The following AGAP1 variants were observed in gnomAD, a reference collection of about 807,000 sequenced individuals.
The protein encoded by AGAP1 is ArfGAP with GTPase domain, ankyrin repeat and PH domain 1.
AGAP1 carries 29 observed loss-of-function variants against 105.3 expected under a neutral mutation model. The observed-to-expected ratio is 0.28, with a 90% CI of 0.21 to 0.38. The LOEUF (loss-of-function observed/expected upper bound fraction) is 0.38, where lower values mean the gene tolerates loss of function less well. Ranked by LOEUF, AGAP1 falls within the 10% of genes least tolerant of loss-of-function variation. The pLI, the probability that AGAP1 is intolerant of heterozygous loss-of-function variation, is 1.00. For synonymous variants in AGAP1, 509 were observed against 485.9 expected, an observed-to-expected ratio of 1.05 and a Z score of -0.63; for missense variants, 998 against 1,165.1, an observed-to-expected ratio of 0.86 and a Z score of 2.09.
Position 236,083,412 on chromosome 2 carries a change from T to C in AGAP1, c.2114+34131T>C, listed in dbSNP as rs1009924377. Among the ~76,000 whole-genome samples the C allele has an allele frequency of 1.3e-5, 2 of 152,244 alleles. No individual in the cohort carries two copies. Among genetic ancestry groups the C allele is most frequent in the African/African-American group, 4.8e-5 (2 of 41,450 alleles). On this transcript the variant is annotated intron_variant, in intron 16 of 17. Coordinates refer to ENST00000304032, the MANE Select transcript of AGAP1 (RefSeq NM_001037131.3). This position sits in a 1 kb window ranked among gnomAD's most constrained non-coding sequence, Gnocchi z 5.3. The stretch of plus-strand genomic sequence containing the variant: ...AGGAAAGATTAAAGGATTGTTTTCA[T>C]TTTATTATAAGGAAGAGACATTTTT...
intron 1 of AGAP1, among the ~76,000 whole-genome samples, chr2:235,696,862 T>A (rs2149461972): frequency 6.6e-6 from 1 of 152,100 alleles, no homozygotes; most frequent in Non-Finnish European, 1.5e-5. Context: ...CACACGTCTG[T>A]AATCCTAGCT....
rs1351590118 is a variant in AGAP1 at position 235,893,292 on chromosome 2, GCGTGTCTGTGGCGCAGGTGTGC to G, written c.1155+9856_1155+9877del. ...GCGCCGTGTCTGTAGCGTGGGTGTA[GCGTGTCTGTGGCGCAGGTGTGC>G]CGTGTCTGTGGCATGGGTGTGGCTT... is the stretch of plus-strand genomic sequence containing the variant. On this transcript the variant is annotated intron_variant, in intron 10 of 17. Coordinates refer to ENST00000304032, the MANE Select transcript of AGAP1 (RefSeq NM_001037131.3). The surrounding 1 kb of genome is among the most constrained non-coding windows in gnomAD (Gnocchi z 4.7). Among the ~76,000 whole-genome samples, 4 of 150,006 alleles carry G rather than the reference GCGTGTCTGTGGCGCAGGTGTGC, an allele frequency of 2.7e-5. No homozygotes were observed. The highest frequency in any genetic ancestry group is 4.4e-5 in the Non-Finnish European group (3 of 67,504).
intron 6 of AGAP1, among the ~76,000 whole-genome samples, chr2:235,795,813 C>G (rs114860300): frequency 0.015 from 2,285 of 152,268 alleles, 41 homozygotes; most frequent in African/African-American, 0.049. Flanking sequence ...TTTGTACATC[C>G]TGTCTGTAGT....
rs940604995 is a variant in AGAP1 at position 235,887,543 on chromosome 2, C to G, written c.1155+4094C>G. On this transcript the variant is annotated intron_variant, in intron 10 of 17. Coordinates refer to ENST00000304032, the MANE Select transcript of AGAP1 (RefSeq NM_001037131.3). The surrounding 1 kb of genome is among the most constrained non-coding windows in gnomAD (Gnocchi z 4.1). ...TTATCTGGTTTCTGAGAACACTATT[C>G]TCATCCACCTTTTCTCTCAAAGGCA... is the stretch of plus-strand genomic sequence containing the variant. 6.6e-6 allele frequency among the ~76,000 whole-genome samples: 1 copy of G among 152,220 alleles called. No homozygotes were observed. The highest frequency in any genetic ancestry group is 2.4e-5 in the African/African-American group (1 of 41,466).
rs1054897213 is a variant in AGAP1, at chr2:235,744,895, T to A, written c.538+56T>A. 1.3e-4 allele frequency: 202 copies of A among 1,596,558 alleles called. No individual in the cohort carries two copies. The highest frequency in any genetic ancestry group is 1.6e-4 in the Non-Finnish European group (192 of 1,168,188). On this transcript the variant is annotated intron_variant, in intron 5 of 17. Transcript: ENST00000304032. The surrounding 1 kb of genome is among the most constrained non-coding windows in gnomAD (Gnocchi z 5.2). ...AAAGGGTTCTAACAGTTACATATTTTCAGTATGGAGGAGTTTAAAAAATGC... is the reference window on the plus strand; with the variant it reads ...AAAGGGTTCTAACAGTTACATATTTACAGTATGGAGGAGTTTAAAAAATGC...
intron 15 of AGAP1, among the ~76,000 whole-genome samples, chr2:236,041,512 A>C (rs1413253328): frequency 6.6e-6 from 1 of 152,162 alleles, no homozygotes; most frequent in Non-Finnish European, 1.5e-5. Flanking sequence ...TCTAATCCAT[A>C]CTATTACTTT....
Position 235,600,478 on chromosome 2 carries a change from C to T in AGAP1, c.163+105629C>T, listed in dbSNP as rs1014681083. Among the ~76,000 whole-genome samples the T allele has an allele frequency of 1.3e-5, 2 of 152,096 alleles. No individual in the cohort carries two copies. Among genetic ancestry groups the T allele is most frequent in the Non-Finnish European group, 2.9e-5 (2 of 68,024 alleles). On this transcript the variant is annotated intron_variant, in intron 1 of 17. Transcript: ENST00000304032. The surrounding 1 kb of genome is among the most constrained non-coding windows in gnomAD (Gnocchi z 4.8). ...CCACCATCCCCGCTGGATTAGGGTT[C>T]TCTAGAGGGATGGAACCAATAGGCC...
In AGAP1 at chr2:236,096,103, C is replaced by T. The variant is rs2059185181; in HGVS notation, c.2115-24089C>T. ...GGTGGAAGCAATACTGATGATGGAACCGCAGTACTATGTATCTTACCCTAC... is the reference window on the plus strand; with the variant it reads ...GGTGGAAGCAATACTGATGATGGAATCGCAGTACTATGTATCTTACCCTAC... On this transcript the variant is annotated intron_variant, in intron 16 of 17. Coordinates refer to ENST00000304032, the MANE Select transcript of AGAP1 (RefSeq NM_001037131.3). The surrounding 1 kb of genome is among the most constrained non-coding windows in gnomAD (Gnocchi z 4.4). Among the ~76,000 whole-genome samples, 1 of 152,202 alleles carries T rather than the reference C, an allele frequency of 6.6e-6. No homozygotes were observed.
intron 16 of AGAP1, among the ~76,000 whole-genome samples, chr2:236,100,653 C>T (rs948750928): frequency 2.6e-5 from 4 of 151,962 alleles, no homozygotes; most frequent in Admixed American, 1.3e-4. Context: ...GGTGAAACCT[C>T]GTCTCTACTA....
chr2:235,722,465 C>T (rs1169764194), intron 3 of AGAP1, among the ~76,000 whole-genome samples: 1 of 152,148 alleles, frequency 6.6e-6, no homozygotes, highest in Non-Finnish European at 1.5e-5. Context: ...GCCTTCCTGT[C>T]TTCAGGGGAG....
intron 13 of AGAP1, among the ~76,000 whole-genome samples, chr2:236,006,729 A>G (rs1559184563): frequency 6.6e-6 from 1 of 152,148 alleles, no homozygotes; most frequent in Admixed American, 6.5e-5. Context: ...TACGCTTACA[A>G]TGTGATAGTT....
rs932315161 is a variant in AGAP1, at chr2:235,875,752, A to G, written c.1051-7593A>G. 6.6e-6 allele frequency among the ~76,000 whole-genome samples: 1 copy of G among 152,102 alleles called. No individual in the cohort carries two copies. The highest frequency in any genetic ancestry group is 1.9e-4 in the East Asian group (1 of 5,192). ...GTGTTAGTTGTGCACAGATACCTACACTTCCCACTGCCCGACAGTACGTGC... is the reference window on the plus strand; with the variant it reads ...GTGTTAGTTGTGCACAGATACCTACGCTTCCCACTGCCCGACAGTACGTGC... On this transcript the variant is annotated intron_variant, in intron 9 of 17. Coordinates refer to ENST00000304032, the MANE Select transcript of AGAP1 (RefSeq NM_001037131.3). The surrounding 1 kb of genome is among the most constrained non-coding windows in gnomAD (Gnocchi z 4.0).
intron 1 of AGAP1, among the ~76,000 whole-genome samples, chr2:235,518,568 C>G (rs1401503537): frequency 6.6e-6 from 1 of 152,156 alleles, no homozygotes; most frequent in Non-Finnish European, 1.5e-5. Flanking sequence ...CTGTTTCCCA[C>G]CGTCAGCCTT....
In AGAP1 at chr2:235,686,620, GATATATATATATATATATATATATAGA is replaced by G. The variant is rs1949417895; in HGVS notation, c.164-22558_164-22532del. Among the ~76,000 whole-genome samples, 24 of 57,246 alleles carry G rather than the reference GATATATATATATATATATATATATAGA, an allele frequency of 4.2e-4. 1 individual carries two copies. Among genetic ancestry groups the G allele is most frequent in the African/African-American group, 1.7e-3 (19 of 11,504 alleles). 37.6% of individuals were successfully genotyped at this position (57,246 alleles called of 152,430 possible). A position where few individuals can be genotyped will look rare whatever the true frequency, so the allele number is the denominator to read the frequency against. ...GTGTATATATATACGTGGAGATATA[GATATATATATATATATATATATATAGA>G]TATATATATATATATATATTTTTTT... is the stretch of plus-strand genomic sequence containing the variant. On this transcript the variant is annotated intron_variant, in intron 1 of 17. Coordinates refer to ENST00000304032, the MANE Select transcript of AGAP1 (RefSeq NM_001037131.3).
chr2:235,670,928 G>T, intron 1 of AGAP1: 1 of 1,326,442 alleles, frequency 7.5e-7, no homozygotes, highest in Non-Finnish European at 9.6e-7. Flanking sequence ...GCGCAGGGAC[G>T]GGGGCCCGGG....
In AGAP1 at chr2:236,082,874, A is replaced by C. The variant is rs1202551941; in HGVS notation, c.2114+33593A>C. On this transcript the variant is annotated intron_variant, in intron 16 of 17. Coordinates refer to ENST00000304032, the MANE Select transcript of AGAP1 (RefSeq NM_001037131.3). This position sits in a 1 kb window ranked among gnomAD's most constrained non-coding sequence, Gnocchi z 4.2. ...TGGAGGACAAGAGCAAAACTCCATC[A>C]GCCGGGCACAATGGCTCACGCCTGT... 6.7e-6 allele frequency among the ~76,000 whole-genome samples: 1 copy of C among 148,202 alleles called. No homozygotes were observed. The highest frequency in any genetic ancestry group is 1.5e-5 in the Non-Finnish European group (1 of 67,256).
Position 235,960,590 on chromosome 2 carries a change from G to T in AGAP1, c.1484-7872G>T, listed in dbSNP as rs541253680. Among the ~76,000 whole-genome samples, 1 of 152,194 alleles carries T rather than the reference G, an allele frequency of 6.6e-6. No individual in the cohort carries two copies. The highest frequency in any genetic ancestry group is 2.4e-5 in the African/African-American group (1 of 41,450). ...CCCTGCTATCGGCGTGCTTACTGGA[G>T]ATGCGATTCCCCTCTTCCTTCTTTG... On this transcript the variant is annotated intron_variant, in intron 12 of 17. Coordinates refer to ENST00000304032, the MANE Select transcript of AGAP1 (RefSeq NM_001037131.3). This position sits in a 1 kb window ranked among gnomAD's most constrained non-coding sequence, Gnocchi z 4.9.
rs1947118117 is a variant in AGAP1 at position 235,639,436 on chromosome 2, G to A, written c.164-69743G>A. On this transcript the variant is annotated intron_variant, in intron 1 of 17. Coordinates refer to ENST00000304032, the MANE Select transcript of AGAP1 (RefSeq NM_001037131.3). This position sits in a 1 kb window ranked among gnomAD's most constrained non-coding sequence, Gnocchi z 5.3. ...CCCAGTGTTTCCAGGGTGGGCAGAG[G>A]AAGAGGAGGCTGGGAAGGGAATTTG... Among the ~76,000 whole-genome samples, 1 of 152,204 alleles carries A rather than the reference G, an allele frequency of 6.6e-6. No homozygotes were observed. The highest frequency in any genetic ancestry group is 2.1e-4 in the South Asian group (1 of 4,828).
Position 235,866,216 on chromosome 2 carries a change from A to G in AGAP1, c.1051-17129A>G, listed in dbSNP as rs2049163606. On this transcript the variant is annotated intron_variant, in intron 9 of 17. Transcript: ENST00000304032. This position sits in a 1 kb window ranked among gnomAD's most constrained non-coding sequence, Gnocchi z 6.1. ...TGATGTTTTATTTTCTGAGACTAGG[A>G]GTATCTATAACTTGGTGTGGTTATT... Among the ~76,000 whole-genome samples the G allele has an allele frequency of 6.6e-6, 1 of 151,962 alleles. No homozygotes were observed. The highest frequency in any genetic ancestry group is 1.5e-5 in the Non-Finnish European group (1 of 68,004).
Sources: gnomAD v4.1 joint callset for allele counts (sites outside exome capture counted in the v4.1 genomes callset) on GRCh38, gnomAD v4.1.1 for gene constraint, Gnocchi (gnomAD v3.1) non-coding constraint, MANE v1.5 for transcripts, NCBI Gene and HGNC (gene_info 2026-07-23, HGNC 2026-07-21) for gene names.